Variants in RHBDD1 observed in about 807,000 individuals in gnomAD.
RHBDD1 encodes rhomboid domain containing 1.
Under a neutral mutation model 36.3 loss-of-function variants are expected in RHBDD1, and 38 were observed. The observed-to-expected ratio is 1.05, with a 90% CI of 0.81 to 1.37. RHBDD1 has a LOEUF of 1.37. Among genes scored for constraint, RHBDD1 ranks in the 40% most tolerant of loss-of-function variants. The pLI is 0.00. For missense variants in RHBDD1, 393 were observed against 377.6 expected, an observed-to-expected ratio of 1.04 and a Z score of -0.34; for synonymous variants, 151 against 136.5, an observed-to-expected ratio of 1.11 and a Z score of -0.74.
At chr2:226,994,612 A>G (rs1959004428) in intron 8 of RHBDD1, among the ~76,000 whole-genome samples, 1 of 152,158 alleles carries the variant, frequency 6.6e-6, no homozygotes. Flanking sequence ...ACTTACCCGT[A>G]TCTATCAGTG....
At chr2:226,870,266 C>T (rs890484946) in intron 5 of RHBDD1, among the ~76,000 whole-genome samples, 3 of 152,116 alleles carry the variant, frequency 2.0e-5, no homozygotes, top group Non-Finnish European at 4.4e-5. Flanking sequence ...GTGTCATATG[C>T]GAATGAGCTC....
At chr2:226,918,546 T>A (rs1348429760) in intron 8 of RHBDD1, among the ~76,000 whole-genome samples, 4 of 152,064 alleles carry the variant, frequency 2.6e-5, no homozygotes, top group African/African-American at 9.6e-5. Flanking sequence ...CTCCCACAAA[T>A]AAATAAGAAC....
intron 8 of RHBDD1, among the ~76,000 whole-genome samples, chr2:226,930,785 C>A (rs1025786519): frequency 1.3e-5 from 2 of 151,022 alleles, no homozygotes; most frequent in Admixed American, 6.6e-5. Flanking sequence ...TCGAACAAAT[C>A]AACAAGAAAA....
intron 5 of RHBDD1, among the ~76,000 whole-genome samples, chr2:226,875,174 G>A (rs1208555072): frequency 6.6e-6 from 1 of 152,278 alleles, no homozygotes; most frequent in East Asian, 1.9e-4. Context: ...CACAAAGTAG[G>A]CAATTAGTAA....
chr2:226,863,996 C>T (rs564481144), intron 3 of RHBDD1, among the ~76,000 whole-genome samples: 1 of 152,100 alleles, frequency 6.6e-6, no homozygotes. Flanking sequence ...GGAAAGTGAG[C>T]CTCTTAAAAA....
At chr2:226,989,974 T>C (rs1957812786) in intron 8 of RHBDD1, among the ~76,000 whole-genome samples, 1 of 152,236 alleles carries the variant, frequency 6.6e-6, no homozygotes, top group African/African-American at 2.4e-5. Flanking sequence ...GATTGAAGGA[T>C]AGAAATGCGA....
At chr2:226,993,158 C>T (rs1248082448) in intron 8 of RHBDD1, among the ~76,000 whole-genome samples, 1 of 152,168 alleles carries the variant, frequency 6.6e-6, no homozygotes, top group Non-Finnish European at 1.5e-5. Context: ...CCTTCTAATT[C>T]CTCCAGGCAG....
chr2:226,932,654 G>T (rs1950095722), intron 8 of RHBDD1, among the ~76,000 whole-genome samples: 1 of 151,886 alleles, frequency 6.6e-6, no homozygotes. Context: ...GCAATTACTT[G>T]TTGCTCTATG....
the RHBDD1 span, among the ~76,000 whole-genome samples, chr2:226,817,699 G>C: frequency 1.3e-5 from 2 of 152,170 alleles, no homozygotes; most frequent in African/African-American, 4.8e-5. Context: ...AGTTAAGGCT[G>C]GCAGTTAAAT....
At chr2:226,964,824 G>GT (rs1952499741) in intron 8 of RHBDD1, among the ~76,000 whole-genome samples, 1 of 152,192 alleles carries the variant, frequency 6.6e-6, no homozygotes, top group African/African-American at 2.4e-5. Flanking sequence ...CAAATGGATA[G>GT]TAGAAGGTGA....
At chr2:226,892,420 A>G (rs1192831902) in intron 5 of RHBDD1, among the ~76,000 whole-genome samples, 2 of 142,722 alleles carry the variant, frequency 1.4e-5, no homozygotes, top group African/African-American at 6.0e-5. Flanking sequence ...CTAGGAATTC[A>G]GGGATTATCT....
intron 5 of RHBDD1, among the ~76,000 whole-genome samples, chr2:226,901,647 T>C (rs1947606102): frequency 6.6e-6 from 1 of 152,168 alleles, no homozygotes; most frequent in Non-Finnish European, 1.5e-5. Context: ...TTGAGCAGCT[T>C]TTCATGTACC....
chr2:226,947,828 AC>A (rs1207897947), intron 8 of RHBDD1, among the ~76,000 whole-genome samples: 1 of 152,166 alleles, frequency 6.6e-6, no homozygotes, highest in African/African-American at 2.4e-5. Flanking sequence ...GCTCATCATC[AC>A]TGGCCATCAG....
chr2:226,970,141 C>T (rs934169036), intron 8 of RHBDD1, among the ~76,000 whole-genome samples: 1 of 151,840 alleles, frequency 6.6e-6, no homozygotes, highest in African/African-American at 2.4e-5. Context: ...AATCACATGG[C>T]CTCCTAGGAT....
intron 5 of RHBDD1, chr2:226,867,581 T>C: frequency 1.0e-6 from 1 of 984,970 alleles, no homozygotes; most frequent in Middle Eastern, 5.2e-4. Context: ...CCTGCTATAC[T>C]GATCTGAGGA....
At chr2:226,812,659 A>AT in the RHBDD1 span, among the ~76,000 whole-genome samples, 3 of 136,952 alleles carry the variant, frequency 2.2e-5, no homozygotes, top group Non-Finnish European at 5.0e-5. Context: ...TTTTTTTTGG[A>AT]AAGCACATGT....
chr2:226,992,130 A>C (rs2149575739), intron 8 of RHBDD1, among the ~76,000 whole-genome samples: 1 of 152,308 alleles, frequency 6.6e-6, no homozygotes, highest in Middle Eastern at 3.4e-3. Flanking sequence ...CATATGACAC[A>C]AGTGGAAACT....
chr2:226,801,540 C>T, the RHBDD1 span, among the ~76,000 whole-genome samples: 1 of 152,256 alleles, frequency 6.6e-6, no homozygotes, highest in East Asian at 1.9e-4. Context: ...TGTTCCCGGT[C>T]GTCATGCAGC....
At chr2:226,819,325 C>A in the RHBDD1 span, among the ~76,000 whole-genome samples, 1 of 152,194 alleles carries the variant, frequency 6.6e-6, no homozygotes, top group Non-Finnish European at 1.5e-5. Flanking sequence ...TAGGAGACTA[C>A]ACAATTTGCC....
Sources: gnomAD v4.1 joint callset for allele counts (sites outside exome capture counted in the v4.1 genomes callset) on GRCh38, gnomAD v4.1.1 for gene constraint, MANE v1.5 for transcripts, NCBI Gene and HGNC (gene_info 2026-07-23, HGNC 2026-07-21) for gene names.